SREBF2: variants seen among roughly 807,000 people sequenced by gnomAD.
The protein encoded by SREBF2 is sterol regulatory element binding transcription factor 2, also known as sterol regulatory element-binding protein 2.
In SREBF2, 55 loss-of-function variants were observed where a neutral mutation model predicts 113.1. That is an observed-to-expected ratio of 0.49 (90% CI 0.39 to 0.61). The LOEUF (loss-of-function observed/expected upper bound fraction) is 0.61. Ranked by LOEUF, SREBF2 falls within the 20% of genes least tolerant of loss-of-function variation. The pLI is 0.00. For synonymous variants in SREBF2, 593 were observed against 605.7 expected (o/e 0.98, Z 0.31); for missense variants, 1,349 against 1,487.4 (o/e 0.91, Z 1.53).
intron 9 of SREBF2, among the ~76,000 whole-genome samples, chr22:41,880,319 AG>A (rs1275244049): frequency 6.6e-6 from 1 of 150,390 alleles, no homozygotes; most frequent in African/African-American, 2.4e-5. Context: ...TGGAAGGCCG[AG>A]GCAGGTAGAT....
At chr22:41,886,805 G>A (rs1456512967) in intron 11 of SREBF2, among the ~76,000 whole-genome samples, 2 of 152,322 alleles carry the variant, frequency 1.3e-5, no homozygotes, top group South Asian at 2.1e-4. Flanking sequence ...AGGCCAAGGC[G>A]AGCAGATCAC....
chr22:41,848,696 A>G (rs2076900648), intron 1 of SREBF2, among the ~76,000 whole-genome samples: 4 of 152,138 alleles, frequency 2.6e-5, no homozygotes, highest in Admixed American at 2.6e-4. Context: ...CAGGGCTTAG[A>G]GGAAGGAGTA....
At chr22:41,857,407 G>A (rs1318883016) in intron 1 of SREBF2, among the ~76,000 whole-genome samples, 1 of 152,198 alleles carries the variant, frequency 6.6e-6, no homozygotes, top group African/African-American at 2.4e-5. Context: ...TGAGAGGCGG[G>A]GAGAGAGAGC....
At chr22:41,845,253 T>A (rs1569371324) in intron 1 of SREBF2, among the ~76,000 whole-genome samples, 2 of 152,142 alleles carry the variant, frequency 1.3e-5, no homozygotes, top group African/African-American at 4.8e-5. Context: ...ATGCCCATTT[T>A]CCATGGACAT....
Position 41,900,297 on chromosome 22 carries a change from G to A in SREBF2, c.2739-33G>A. 3 of 1,606,118 alleles carry A rather than the reference G, an allele frequency of 1.9e-6. No individual in the cohort carries two copies. In the South Asian group the frequency reaches 3.3e-5, roughly 18 times the overall value. On this transcript the variant is annotated intron_variant, in intron 15 of 18. Coordinates refer to ENST00000361204, the MANE Select transcript of SREBF2 (RefSeq NM_004599.4). ...GCCTGTCACGCAGGTGACACATAGT[G>A]ACCTGCCTCTCGACTCCCTGTCACT...
chr22:41,902,935 C>T (rs1160369071), intron 16 of SREBF2, 35 bp from the exon 17 acceptor site: 2 of 1,592,042 alleles, frequency 1.3e-6, no homozygotes, highest in Non-Finnish European at 1.7e-6. Flanking sequence ...ATGGGCCAGT[C>T]ACCTGTCTCC....
intron 1 of SREBF2, among the ~76,000 whole-genome samples, chr22:41,841,861 A>G (rs993963591): frequency 1.3e-5 from 2 of 152,230 alleles, no homozygotes; most frequent in African/African-American, 4.8e-5. Context: ...ATATAATCTA[A>G]TGTGATCCAT....
In SREBF2 at chr22:41,839,956, C is replaced by CTTT. The variant is rs10588397; in HGVS notation, c.88+6617_88+6619dup. Among the ~76,000 whole-genome samples the CTTT allele has an allele frequency of 8.0e-4, 94 of 117,546 alleles. 1 individual carries two copies. The highest frequency in any genetic ancestry group is 1.5e-3 in the African/African-American group (43 of 28,272). The allele number at this position is 117,546 out of a possible 152,430, so 77.1% of individuals were successfully genotyped here. On this transcript the variant is annotated intron_variant, in intron 1 of 18. Transcript: ENST00000361204. ...TCCCATTTATTCACATGCTTAGTTT[C>CTTT]TTTTTTTTTTTTTTTTTTTTTGAGA... is the stretch of plus-strand genomic sequence containing the variant.
In SREBF2 at chr22:41,864,321, A is replaced by T. The variant is rs1411083922; in HGVS notation, c.89-2510A>T. ...TATATATATATATGTATATATATATATATTTTTTTTTTTTTTTGAGACTGA... is the reference window on the plus strand; with the variant it reads ...TATATATATATATGTATATATATATTTATTTTTTTTTTTTTTTGAGACTGA... On this transcript the variant is annotated intron_variant, in intron 1 of 18. Coordinates refer to ENST00000361204, the MANE Select transcript of SREBF2 (RefSeq NM_004599.4). Among the ~76,000 whole-genome samples the T allele has an allele frequency of 2.6e-4, 26 of 101,894 alleles. No individual in the cohort carries two copies. In the East Asian group the frequency reaches 3.6e-3, roughly 14 times the overall value. The allele number at this position is 101,894 out of a possible 152,430, so 66.8% of individuals were successfully genotyped here.
chr22:41,900,659 G>A (rs1188395909), intron 16 of SREBF2, among the ~76,000 whole-genome samples, 161 bp downstream of exon 16: 2 of 152,234 alleles, frequency 1.3e-5, no homozygotes, highest in African/African-American at 4.8e-5. Context: ...ATTGGCCTAG[G>A]TGGACTCCTT....
Position 41,875,614 on chromosome 22 carries a change from C to T in SREBF2, c.1276C>T (p.Gln426Ter). 1 of 1,614,202 alleles carries T rather than the reference C, an allele frequency of 6.2e-7. No homozygotes were observed. ...EVDLKIEDFN[Q>*]NVLLMSPPAS... ...GGACCTGAAGATCGAGGACTTTAAT[C>T]AGAATGTCCTTCTGATGTCCCCCCC... The change falls in exon 7 of 19, where the codon CAG becomes TAG. Residue 426 changes from glutamine (Q) to a stop codon, truncating the protein, a stop_gained. Coordinates refer to ENST00000361204, the MANE Select transcript of SREBF2 (RefSeq NM_004599.4). LOFTEE classifies it high-confidence loss of function.
rs2077512057 is a variant in SREBF2, at chr22:41,906,680, T to TATATGTATAACCCCATGCCTCAAC, written c.*1020_*1021insATATGTATAACCCCATGCCTCAAC. The stretch of plus-strand genomic sequence containing the variant: ...TATCAGGAAGTAACCCCATGGTAAG[T>TATATGTATAACCCCATGCCTCAAC]TGAGGCATATCTGTATATATTTAAA... On this transcript the variant is annotated 3_prime_UTR_variant, in exon 19 of 19. Transcript: ENST00000361204. 6.6e-6 allele frequency: 1 copy of TATATGTATAACCCCATGCCTCAAC among 152,284 alleles called. No homozygotes were observed. The highest frequency in any genetic ancestry group is 1.5e-5 in the Non-Finnish European group (1 of 68,086). 9.4% of individuals were successfully genotyped at this position (152,284 alleles called of 1,614,324 possible).
rs542399734 is a variant in SREBF2 at position 41,889,003 on chromosome 22, T to C, written c.2208+3992T>C. 5.9e-4 allele frequency among the ~76,000 whole-genome samples: 90 copies of C among 152,006 alleles called. 1 individual carries two copies. Among genetic ancestry groups the C allele is most frequent in the African/African-American group, 2.1e-3 (87 of 41,464 alleles). On this transcript the variant is annotated intron_variant, in intron 11 of 18. Transcript: ENST00000361204. ...AGTGGAGGGCTGGCCTCTGTGAAAA[T>C]GGTTTAGACTAGAGGTTCCCAAACT...
At chr22:41,894,544 T>C (rs1309636134) in intron 12 of SREBF2, among the ~76,000 whole-genome samples, 2 of 152,184 alleles carry the variant, frequency 1.3e-5, no homozygotes, top group East Asian at 3.9e-4. Context: ...CTCCCAACCT[T>C]AGAGTACTGA....
chr22:41,873,258 A>G (rs973677884), intron 4 of SREBF2, among the ~76,000 whole-genome samples: 1 of 152,188 alleles, frequency 6.6e-6, no homozygotes, highest in Non-Finnish European at 1.5e-5. Context: ...ACAGAGATGA[A>G]GAATAAAAAG....
rs201378535 is a variant in SREBF2 at position 41,877,252 on chromosome 22, T to C, written c.1410T>C (p.Pro470=). The C allele has an allele frequency of 1.7e-5, 27 of 1,614,224 alleles. No homozygotes were observed. The East Asian group carries it at 5.8e-4, about 35-fold the overall frequency. ...AGGTCAAAGATGAGCCAGACTCTCC[T>C]CCTGTGGCGCTGGGCATGGTAGACC... The part of the protein sequence containing the change: ...DAKVKDEPDS[P]PVALGMVDRS... The change falls in exon 8 of 19, where the codon CCT becomes CCC. Residue 470 remains proline (P), a synonymous_variant. Coordinates refer to ENST00000361204, the MANE Select transcript of SREBF2 (RefSeq NM_004599.4).
chr22:41,892,972 G>GT (rs2077378527), intron 11 of SREBF2, 145 bp from the exon 12 acceptor site: 1 of 975,864 alleles, frequency 1.0e-6, no homozygotes. Context: ...TTACTTTCAG[G>GT]TACCTGTGGG....
intron 9 of SREBF2, 101 bp downstream of exon 9, chr22:41,878,224 G>A (rs1162869709): frequency 6.8e-7 from 1 of 1,481,342 alleles, no homozygotes. Flanking sequence ...TGTGGTGAGA[G>A]GAAAAAGGGA....
In SREBF2 at chr22:41,900,355, C is replaced by T. The variant is rs749838648; in HGVS notation, c.2764C>T (p.His922Tyr). Residue 922 changes from histidine (H) to tyrosine (Y), a missense_variant, in exon 16 of 19, where the codon CAT becomes TAT. Physicochemically the swap from His to Tyr is moderately conservative, Grantham distance 83 (BLOSUM62 2). Transcript: ENST00000361204. ...TESPLVKAIF[H>Y]ACRAMHASLP... ...GAGCCCCCTGGTGAAGGCCATCTTC[C>T]ATGCCTGCAGAGCCATGCATGCCTC... The T allele has an allele frequency of 6.2e-7, 1 of 1,613,730 alleles. No homozygotes were observed. The highest frequency in any genetic ancestry group is 8.5e-7 in the Non-Finnish European group (1 of 1,180,038).
Sources: allele counts gnomAD v4.1 joint callset (sites outside exome capture counted in the v4.1 genomes callset), GRCh38; gene constraint gnomAD v4.1.1; transcripts MANE v1.5; gene names NCBI Gene and HGNC (gene_info 2026-07-23, HGNC 2026-07-21).